FLI1: variants seen among roughly 807,000 people sequenced by gnomAD.
FLI1 encodes the protein Friend leukemia integration 1 transcription factor.
A neutral mutation model predicts 53.1 loss-of-function variants in FLI1; 13 were observed. The observed-to-expected ratio is 0.24, with a 90% confidence interval of 0.16 to 0.39. FLI1 has a LOEUF of 0.39. FLI1 is among the 10% of genes least tolerant of loss of function. The pLI is 1.00. For missense variants in FLI1, 424 were observed against 600.5 expected, an observed-to-expected ratio of 0.71 and a Z score of 3.07; for synonymous variants, 244 against 236.7, an observed-to-expected ratio of 1.03 and a Z score of -0.28.
At chr11:128,732,429 C>A (rs1301419993) in intron 1 of FLI1, among the ~76,000 whole-genome samples, 1 of 152,192 alleles carries the variant, frequency 6.6e-6, no homozygotes, top group Non-Finnish European at 1.5e-5. Context: ...TTTTGGAGTG[C>A]ATACTCTGCC....
intron 1 of FLI1, 63 bp downstream of exon 1, chr11:128,694,339 G>T: frequency 8.1e-7 from 1 of 1,237,278 alleles, no homozygotes; most frequent in Admixed American, 4.1e-5. Flanking sequence ...GCGGCGGGCG[G>T]GTAGGTGCGG....
At chr11:128,685,983 A>T, upstream of FLI1, 1 of 193,094 alleles carries the variant, frequency 5.2e-6, no homozygotes, top group Non-Finnish European at 1.1e-5. Flanking sequence ...ACTAAAAATG[A>T]GGACCTGACA....
At chr11:128,793,649 C>G (rs1942343924) in intron 5 of FLI1, among the ~76,000 whole-genome samples, 1 of 152,260 alleles carries the variant, frequency 6.6e-6, no homozygotes, top group African/African-American at 2.4e-5. Context: ...TTTCTGCCTT[C>G]CCTGGGCTGT....
At position 128,721,085 on chromosome 11, in the gene FLI1, A is replaced by G. The variant is rs542653301; in HGVS notation, c.18+26809A>G. 6.6e-5 allele frequency among the ~76,000 whole-genome samples: 10 copies of G among 152,334 alleles called. No homozygotes were observed. The East Asian group carries it at 1.5e-3, about 24-fold the overall frequency. Reference sequence around the variant, plus strand: ...AGCTTCTGGAGAATCTGTCCTTGCCAACTAGGGGCTGGCAAGTTCGTGAGA... The same window carrying G: ...AGCTTCTGGAGAATCTGTCCTTGCCGACTAGGGGCTGGCAAGTTCGTGAGA... On this transcript the variant is annotated intron_variant, in intron 1 of 8. Transcript: ENST00000527786.
chr11:128,807,166 C>T lies in FLI1; in HGVS notation c.722-14C>T. 1 of 1,578,722 alleles carries T rather than the reference C, an allele frequency of 6.3e-7. No homozygotes were observed. Among genetic ancestry groups the T allele is most frequent in the Non-Finnish European group, 8.6e-7 (1 of 1,161,946 alleles). On this transcript the variant is annotated splice_polypyrimidine_tract_variant and intron_variant, in intron 6 of 8. Transcript: ENST00000527786. ...TGGGTCCTACTCACTGCATTTCTTTCCCTCTTGCCACAGGTCCTCCCCTTG... is the reference window on the plus strand; with the variant it reads ...TGGGTCCTACTCACTGCATTTCTTTTCCTCTTGCCACAGGTCCTCCCCTTG...
rs139658489 is a variant in FLI1, at chr11:128,800,912, A to G, written c.656-4454A>G. Among the ~76,000 whole-genome samples the G allele has an allele frequency of 4.6e-5, 7 of 152,316 alleles. No homozygotes were observed. The East Asian group carries it at 5.8e-4, about 13-fold the overall frequency. On this transcript the variant is annotated intron_variant, in intron 5 of 8. Transcript: ENST00000527786. Reference sequence around the variant, plus strand: ...GTCACTCTTCTGAAAAGGAATCACAATAATAAGATCTGTTATCTTGGTACT... The same window carrying G: ...GTCACTCTTCTGAAAAGGAATCACAGTAATAAGATCTGTTATCTTGGTACT...
rs1163313975 is a variant in FLI1, at chr11:128,768,232, C to T, written c.345C>T (p.Pro115=). The change falls in exon 3 of 9, where the codon CCC becomes CCT. Residue 115 remains proline, a synonymous_variant. Transcript: ENST00000527786. ...ACGAGAAGAATGGCCCCCCTCCTCC[C>T]AACATGACCACCAACGAGAGGAGAG... ...YMDEKNGPPP[P]NMTTNERRVI... 2.5e-6 allele frequency: 4 copies of T among 1,613,954 alleles called. No individual in the cohort carries two copies. Among genetic ancestry groups the T allele is most frequent in the Non-Finnish European group, 3.4e-6 (4 of 1,179,884 alleles).
intron 1 of FLI1, among the ~76,000 whole-genome samples, chr11:128,694,936 G>A (rs1937979849): frequency 6.6e-6 from 1 of 152,154 alleles, no homozygotes; most frequent in Admixed American, 6.5e-5. Flanking sequence ...GGACTCCTGG[G>A]CCGGCCTCGC....
chr11:128,793,396 A>T (rs531954490), intron 5 of FLI1, among the ~76,000 whole-genome samples: 1 of 152,100 alleles, frequency 6.6e-6, no homozygotes, highest in South Asian at 2.1e-4. Flanking sequence ...CCCTTGGTAG[A>T]TGAAGGAATG....
chr11:128,743,146 G>C (rs570693302), intron 1 of FLI1, among the ~76,000 whole-genome samples: 26 of 152,234 alleles, frequency 1.7e-4, no homozygotes, highest in Middle Eastern at 3.4e-3. Context: ...CTATCACTTT[G>C]GGAGGCCAAG....
intron 5 of FLI1, among the ~76,000 whole-genome samples, chr11:128,803,315 A>T (rs1942687489): frequency 6.6e-6 from 1 of 152,082 alleles, no homozygotes; most frequent in Admixed American, 6.5e-5. Flanking sequence ...CCCACCTGCA[A>T]CGCCAAGGTC....
chr11:128,764,658 C>T, intron 2 of FLI1: 3 of 1,533,882 alleles, frequency 2.0e-6, no homozygotes, highest in Non-Finnish European at 2.6e-6. Flanking sequence ...CAGGCGCCAG[C>T]TGCCTCATTA....
intron 1 of FLI1, among the ~76,000 whole-genome samples, chr11:128,703,064 A>C (rs1316200966): frequency 6.6e-6 from 1 of 152,228 alleles, no homozygotes; most frequent in Non-Finnish European, 1.5e-5. Context: ...AAGAAAATAC[A>C]AATGGGCAAT....
At chr11:128,712,328 C>A (rs758173988) in intron 1 of FLI1, among the ~76,000 whole-genome samples, 1 of 152,180 alleles carries the variant, frequency 6.6e-6, no homozygotes, top group Non-Finnish European at 1.5e-5. Context: ...TGGCACCATG[C>A]TTTCTGTACA....
At chr11:128,698,009 G>T (rs1938160173) in intron 1 of FLI1, among the ~76,000 whole-genome samples, 1 of 135,880 alleles carries the variant, frequency 7.4e-6, no homozygotes, top group Non-Finnish European at 1.6e-5. Flanking sequence ...TCACAGTCGG[G>T]CAGAGGCACT....
chr11:128,770,127 C>T (rs1941498892), intron 3 of FLI1, among the ~76,000 whole-genome samples: 1 of 152,170 alleles, frequency 6.6e-6, no homozygotes. Flanking sequence ...GCAGAAGTGG[C>T]CAGACTGCTA....
intron 1 of FLI1, among the ~76,000 whole-genome samples, chr11:128,708,093 A>C (rs1015067072): frequency 4.6e-5 from 7 of 152,204 alleles, no homozygotes; most frequent in Non-Finnish European, 1.0e-4. Flanking sequence ...CAGTGAAGGG[A>C]AACTCCTGGG....
intron 1 of FLI1, among the ~76,000 whole-genome samples, chr11:128,701,584 C>G (rs557581768): frequency 6.6e-6 from 1 of 152,156 alleles, no homozygotes; most frequent in Non-Finnish European, 1.5e-5. Context: ...AAAAATGAAG[C>G]AAACACTAAT....
At chr11:128,787,960 C>T (rs1389690005) in intron 5 of FLI1, among the ~76,000 whole-genome samples, 1 of 151,798 alleles carries the variant, frequency 6.6e-6, no homozygotes, top group Non-Finnish European at 1.5e-5. Context: ...GTGCCCGCCA[C>T]CACGCCCAGC....
Sources: gnomAD v4.1 joint callset for allele counts (sites outside exome capture counted in the v4.1 genomes callset) on GRCh38, gnomAD v4.1.1 for gene constraint, MANE v1.5 for transcripts, NCBI Gene and HGNC (gene_info 2026-07-23, HGNC 2026-07-21) for gene names.